DSCAM: variants seen among roughly 807,000 people sequenced by gnomAD.
DSCAM encodes the protein cell adhesion molecule DSCAM.
In DSCAM, 47 loss-of-function variants were observed where a neutral mutation model predicts 217.7. The ratio of observed to expected loss-of-function variants is 0.22; its 90% CI spans 0.17 to 0.28. The LOEUF is 0.28. Among genes scored for constraint, DSCAM ranks in the 10% least tolerant of loss-of-function variants. DSCAM has a pLI of 1.00. For missense variants in DSCAM, 2,080 were observed against 2,618.3 expected (o/e 0.79, Z 4.49); for synonymous variants, 1,056 against 1,015.3 (o/e 1.04, Z -0.76).
rs1232188560 is a variant in DSCAM, at chr21:40,212,391, C to T, written c.2357-23153G>A. ...ATTGAACATGAATTTAGTTTTGATA[C>T]TTAAGAATTCTAACTTCATGTTCAA... On this transcript the variant is annotated intron_variant, in intron 11 of 32. Coordinates refer to ENST00000400454, the MANE Select transcript of DSCAM (RefSeq NM_001389.5). 3 of 154,150 alleles carry T rather than the reference C, an allele frequency of 1.9e-5. No individual in the cohort carries two copies. The East Asian group carries it at 5.9e-4, about 30-fold the overall frequency. The allele number at this position is 154,150 out of a possible 1,614,324, so 9.5% of individuals were successfully genotyped here. A position where few individuals can be genotyped will look rare whatever the true frequency, so the allele number is the denominator to read the frequency against.
At chr21:40,547,040 A>G (rs2076588869) in intron 3 of DSCAM, among the ~76,000 whole-genome samples, 1 of 152,122 alleles carries the variant, frequency 6.6e-6, no homozygotes, top group South Asian at 2.1e-4. Flanking sequence ...CATAACATCA[A>G]GCAGAGCAAC....
intron 19 of DSCAM, among the ~76,000 whole-genome samples, chr21:40,132,750 T>C (rs1485953254): frequency 6.6e-6 from 1 of 152,118 alleles, no homozygotes; most frequent in Non-Finnish European, 1.5e-5. Flanking sequence ...CAGGGAGTCA[T>C]TGTCAGGGGC....
chr21:40,468,907 G>A (rs1309195021), intron 3 of DSCAM, among the ~76,000 whole-genome samples: 1 of 152,164 alleles, frequency 6.6e-6, no homozygotes, highest in East Asian at 1.9e-4. Context: ...GGAGAGAAAG[G>A]TGGAAAGAGT....
intron 11 of DSCAM, among the ~76,000 whole-genome samples, chr21:40,261,710 T>C (rs993994083): frequency 1.3e-5 from 2 of 151,886 alleles, no homozygotes; most frequent in African/African-American, 4.8e-5. Flanking sequence ...TATATACATA[T>C]ATACCAATAT....
intron 6 of DSCAM, among the ~76,000 whole-genome samples, chr21:40,341,164 T>A (rs1289813781): frequency 2.6e-5 from 4 of 152,216 alleles, no homozygotes; most frequent in African/African-American, 9.6e-5. Flanking sequence ...CTTTAAAATA[T>A]TAAAATGAAA....
At chr21:40,684,944 G>A (rs891485077) in intron 3 of DSCAM, among the ~76,000 whole-genome samples, 1 of 152,192 alleles carries the variant, frequency 6.6e-6, no homozygotes, top group Non-Finnish European at 1.5e-5. Context: ...CACGGGGAGA[G>A]AGAGAAAGCA....
intron 3 of DSCAM, among the ~76,000 whole-genome samples, chr21:40,485,400 G>A (rs892194897): frequency 4.6e-5 from 7 of 151,716 alleles, no homozygotes; most frequent in African/African-American, 1.2e-4. Context: ...CCGCCACCGC[G>A]CCCGGCTAAT....
At chr21:40,429,226 A>C (rs1363881352) in intron 3 of DSCAM, among the ~76,000 whole-genome samples, 1 of 150,832 alleles carries the variant, frequency 6.6e-6, no homozygotes, top group Non-Finnish European at 1.5e-5. Context: ...TAAATGTTAC[A>C]TTTATGGACT....
rs115768445 is a variant in DSCAM at position 40,346,803 on chromosome 21, C to T, written c.1210+867G>A. 1.5e-3 allele frequency among the ~76,000 whole-genome samples: 230 copies of T among 152,266 alleles called. 1 individual carries two copies. The highest frequency in any genetic ancestry group is 5.3e-3 in the African/African-American group (222 of 41,554). On this transcript the variant is annotated intron_variant, in intron 6 of 32. Coordinates refer to ENST00000400454, the MANE Select transcript of DSCAM (RefSeq NM_001389.5). ...TAGGGACAACTGCACCAAACAGATG[C>T]CATATTTTCATTCTACCAACCACTG... is the stretch of plus-strand genomic sequence containing the variant.
intron 1 of DSCAM, among the ~76,000 whole-genome samples, chr21:40,780,423 G>GTGTGTGTGTATATATATATATATATA (rs1007015659): frequency 2.1e-4 from 12 of 56,422 alleles, no homozygotes; most frequent in African/African-American, 9.2e-4. Flanking sequence ...GTGTGTGTGT[G>GTGTGTGTGTATATATATATATATATA]TATATATATA....
intron 3 of DSCAM, among the ~76,000 whole-genome samples, chr21:40,590,484 C>T (rs1303311935): frequency 6.6e-6 from 1 of 152,146 alleles, no homozygotes; most frequent in South Asian, 2.1e-4. Context: ...TCAGATTCCT[C>T]ATGTAAAATG....
At chr21:40,563,600 A>ATATATATGTT (rs368372739) in intron 3 of DSCAM, among the ~76,000 whole-genome samples, 40,391 of 84,958 alleles carry the variant, frequency 0.48, 7,572 homozygotes, top group African/African-American at 0.63. Context: ...TTTATATGTT[A>ATATATATGTT]TATATATGTT....
At chr21:40,146,108 G>C (rs117723714) in intron 16 of DSCAM, among the ~76,000 whole-genome samples, 1 of 151,988 alleles carries the variant, frequency 6.6e-6, no homozygotes, top group East Asian at 1.9e-4. Context: ...GTTTATAATC[G>C]ACCTGCAGAG....
chr21:40,260,099 A>T (rs2073430092), intron 11 of DSCAM, among the ~76,000 whole-genome samples: 1 of 152,168 alleles, frequency 6.6e-6, no homozygotes, highest in African/African-American at 2.4e-5. Flanking sequence ...CATACTGATG[A>T]TTAAAGTCAC....
rs563426993 is a variant in DSCAM at position 40,796,405 on chromosome 21, T to A, written c.43+50214A>T. ...CCAACAGTCAGTCCAACACGTAATG[T>A]GAGCACAAAATAAATCTTTGTTGTC... On this transcript the variant is annotated intron_variant, in intron 1 of 32. Transcript: ENST00000400454. Among the ~76,000 whole-genome samples, 318 of 152,326 alleles carry A rather than the reference T, an allele frequency of 2.1e-3. 2 individuals are homozygous for A. The highest frequency in any genetic ancestry group is 7.4e-3 in the African/African-American group (309 of 41,564).
At chr21:40,391,673 C>G (rs1238756841) in intron 3 of DSCAM, among the ~76,000 whole-genome samples, 2 of 152,184 alleles carry the variant, frequency 1.3e-5, no homozygotes, top group East Asian at 3.9e-4. Context: ...GATGATTTCT[C>G]CTACAGTGTC....
Position 40,512,010 on chromosome 21 carries a change from A to T in DSCAM, c.509-142765T>A, listed in dbSNP as rs13051631. Among the ~76,000 whole-genome samples, 384 of 106,354 alleles carry T rather than the reference A, an allele frequency of 3.6e-3. 32 individuals are homozygous for T. Among genetic ancestry groups the T allele is most frequent in the South Asian group, 0.016 (52 of 3,316 alleles). 69.8% of individuals were successfully genotyped at this position (106,354 alleles called of 152,430 possible). On this transcript the variant is annotated intron_variant, in intron 3 of 32. Coordinates refer to ENST00000400454, the MANE Select transcript of DSCAM (RefSeq NM_001389.5). ...TGTCTCAAAAAAAAAAAAAAAAAAA[A>T]GTATTCTATTTGAGGTCTTGCTTTT...
intron 1 of DSCAM, among the ~76,000 whole-genome samples, chr21:40,836,863 G>A (rs2092061298): frequency 6.6e-6 from 1 of 152,190 alleles, no homozygotes; most frequent in Non-Finnish European, 1.5e-5. Context: ...ACAAGACAAA[G>A]TCACATGGGA....
chr21:40,619,782 A>G (rs1311359273), intron 3 of DSCAM, among the ~76,000 whole-genome samples: 1 of 152,006 alleles, frequency 6.6e-6, no homozygotes, highest in African/African-American at 2.4e-5. Flanking sequence ...AGCTTTTGAA[A>G]GAGAGCCCAG....
Sources: gnomAD v4.1 joint callset for allele counts (sites outside exome capture counted in the v4.1 genomes callset) on GRCh38, gnomAD v4.1.1 for gene constraint, MANE v1.5 for transcripts, NCBI Gene and HGNC (gene_info 2026-07-23, HGNC 2026-07-21) for gene names.